Variants in MATR3 observed in about 807,000 individuals in gnomAD.
MATR3 encodes the protein matrin-3.
In MATR3, 4 loss-of-function variants were observed where a neutral mutation model predicts 85.5. The observed-to-expected ratio is 0.05, with a 90% confidence interval of 0.02 to 0.11. MATR3 has a LOEUF of 0.11. Ranked by LOEUF, MATR3 falls within the 10% of genes least tolerant of loss-of-function variation. The pLI is 1.00. For synonymous variants in MATR3, 336 were observed against 343.1 expected (o/e 0.98, Z 0.23); for missense variants, 685 against 1,016.1 (o/e 0.67, Z 4.43).
Position 139,322,502 on chromosome 5 carries a change from T to C in MATR3, c.1774T>C (p.Ser592Pro). 6.2e-7 allele frequency: 1 copy of C among 1,613,922 alleles called. No individual in the cohort carries two copies. The highest frequency in any genetic ancestry group is 8.5e-7 in the Non-Finnish European group (1 of 1,179,930). The change falls in exon 11 of 15, where the codon TCC becomes CCC. Residue 592 changes from serine to proline, a missense_variant. By Grantham distance (74) the Ser-to-Pro change is moderately conservative (BLOSUM62 -1). Coordinates refer to ENST00000394805, the MANE Select transcript of MATR3 (RefSeq NM_018834.6). ...CATTGATTTACTGAAAAAAGATAAA[T>C]CCCGGTAATTTCATTTTGTTTTTCA... ...RGIDLLKKDK[S>P]RKRSYSPDGK...
intron 7 of MATR3, among the ~76,000 whole-genome samples, chr5:139,318,056 AG>A (rs2151992264): frequency 6.6e-6 from 1 of 152,354 alleles, no homozygotes; most frequent in South Asian, 2.1e-4. Flanking sequence ...TAAATGATAA[AG>A]TAATGCAGTA....
chr5:139,285,258 A>G (rs1392373745), intron 3 of MATR3: 2 of 152,214 alleles, frequency 1.3e-5, no homozygotes, highest in African/African-American at 2.4e-5. Context: ...CTTGTTTCAG[A>G]TGGTCAACAT....
At chr5:139,313,552 A>C (rs984699979) in intron 2 of MATR3, 13 of 152,214 alleles carry the variant, frequency 8.5e-5, no homozygotes, top group African/African-American at 2.9e-4. Flanking sequence ...TACATTGCCT[A>C]AAAAGTTAAC....
chr5:139,317,444 G>T (rs1429357657), intron 6 of MATR3, 152 bp from the exon 7 acceptor site: 1 of 773,554 alleles, frequency 1.3e-6, no homozygotes, highest in Non-Finnish European at 2.2e-6. Context: ...AGTGACGTTT[G>T]ATATGTAGCT....
intron 2 of MATR3, chr5:139,311,280 C>G (rs867422921): frequency 6.6e-6 from 1 of 152,104 alleles, no homozygotes; most frequent in Non-Finnish European, 1.5e-5. Context: ...TCAGATACAT[C>G]AAGGTGAATG....
At position 139,293,757 on chromosome 5, in the gene MATR3, G is replaced by T; in HGVS notation, c.-226G>T. On this transcript the variant is annotated 5_prime_UTR_variant, in exon 1 of 15. Coordinates refer to ENST00000394805, the MANE Select transcript of MATR3 (RefSeq NM_018834.6). Reference sequence around the variant, plus strand: ...GGGATTGTGGGAGTCTCCGCGTCCCGCTCGCTGGGAGAGAGGTACCTCTCC... The same window carrying T: ...GGGATTGTGGGAGTCTCCGCGTCCCTCTCGCTGGGAGAGAGGTACCTCTCC... 1 of 381,898 alleles carries T rather than the reference G, an allele frequency of 2.6e-6. No homozygotes were observed. Among genetic ancestry groups the T allele is most frequent in the South Asian group, 1.4e-4 (1 of 7,042 alleles). The allele number at this position is 381,898 out of a possible 1,614,324, so 23.7% of individuals were successfully genotyped here.
chr5:139,304,508 A>G (rs946974798), intron 1 of MATR3, among the ~76,000 whole-genome samples: 3 of 152,042 alleles, frequency 2.0e-5, no homozygotes, highest in South Asian at 2.1e-4. Context: ...CTGAAAAAAA[A>G]AAAAAAAGAA....
At chr5:139,301,839 TA>T (rs1432033725) in intron 1 of MATR3, among the ~76,000 whole-genome samples, 1 of 152,160 alleles carries the variant, frequency 6.6e-6, no homozygotes, top group Non-Finnish European at 1.5e-5. Context: ...ATTTTAAACC[TA>T]GGAAGAAGAC....
chr5:139,328,240 C>A lies in MATR3; in HGVS notation c.2494-1105C>A, dbSNP rs765692443. Among the ~76,000 whole-genome samples the A allele has an allele frequency of 1.2e-3, 178 of 150,732 alleles. 1 individual carries two copies. The highest frequency in any genetic ancestry group is 2.2e-3 in the Non-Finnish European group (146 of 67,810). ...AACTGTTAAGCATTACAGTAACTTG[C>A]TAATGGTAAATTGATACTTTCCTAA... On this transcript the variant is annotated intron_variant, in intron 14 of 14. Coordinates refer to ENST00000394805, the MANE Select transcript of MATR3 (RefSeq NM_018834.6).
chr5:139,314,858 T>C (rs2151980778), intron 3 of MATR3, 122 bp downstream of exon 3: 1 of 817,192 alleles, frequency 1.2e-6, no homozygotes, highest in Non-Finnish European at 2.1e-6. Flanking sequence ...AGTGGTACTG[T>C]ATGGACAATA....
At chr5:139,291,158 A>G (rs1462838707), upstream of MATR3, among the ~76,000 whole-genome samples, 1 of 152,206 alleles carries the variant, frequency 6.6e-6, no homozygotes, top group Non-Finnish European at 1.5e-5. Flanking sequence ...GCAGTTTCCC[A>G]AAGTCTACCT....
At chr5:139,294,053 G>A (rs1753996970) in intron 1 of MATR3, 2 of 1,271,282 alleles carry the variant, frequency 1.6e-6, no homozygotes, top group Non-Finnish European at 2.0e-6. Flanking sequence ...AGGGAAACAC[G>A]CGGCCGGCCA....
intron 1 of MATR3, chr5:139,294,123 C>T (rs756134833): frequency 1.6e-5 from 18 of 1,155,478 alleles, no homozygotes; most frequent in Non-Finnish European, 2.0e-5. Context: ...GCCGAGCTTC[C>T]TGCGCGTCCT....
rs552645507 is a variant in MATR3 at position 139,284,358 on chromosome 5, A to T, written c.-178+5229A>T. On this transcript the variant is annotated intron_variant, in intron 3 of 16. Transcript: ENST00000509990. ...CCGGGCGCGGTTGCCTATAATCCCA[A>T]CACTGAGAGGCTGAGGTGGGTGGAT... is the stretch of plus-strand genomic sequence containing the variant. Among the ~76,000 whole-genome samples the T allele has an allele frequency of 2.0e-5, 3 of 152,234 alleles. No individual in the cohort carries two copies. In the East Asian group the frequency reaches 5.8e-4, roughly 29 times the overall value.
intron 1 of MATR3, among the ~76,000 whole-genome samples, chr5:139,301,119 T>A (rs1467346852): frequency 2.0e-5 from 3 of 152,104 alleles, no homozygotes; most frequent in Non-Finnish European, 4.4e-5. Context: ...CTGGCCTAAT[T>A]TATCGAGTCT....
chr5:139,326,403 GAA>G (rs1755853316), intron 14 of MATR3, 119 bp downstream of exon 14: 3 of 864,572 alleles, frequency 3.5e-6, no homozygotes, highest in Admixed American at 2.9e-5. Flanking sequence ...GCTTTCTCCT[GAA>G]GATAACTTTT....
At position 139,329,364 on chromosome 5, in the gene MATR3, CAGA is replaced by C; in HGVS notation, c.2518_2520del (p.Glu840del). The C allele has an allele frequency of 1.2e-6, 2 of 1,611,662 alleles. No individual in the cohort carries two copies. Among genetic ancestry groups the C allele is most frequent in the South Asian group, 1.1e-5 (1 of 90,996 alleles). On this transcript the variant is annotated inframe_deletion, in exon 15 of 15. Coordinates refer to ENST00000394805, the MANE Select transcript of MATR3 (RefSeq NM_018834.6). ...TTATAGAAATTTCTGAATAAATTGG[CAGA>C]AGAACGCAGACAGAAGAAGGAAACT...
At chr5:139,319,646 G>A (rs745463998) in intron 9 of MATR3, 145 bp downstream of exon 9, 102 of 663,820 alleles carry the variant, frequency 1.5e-4, no homozygotes, top group Middle Eastern at 8.4e-4. Context: ...TCAGGAGTTC[G>A]AGACCAGCCT....
chr5:139,323,423 T>C (rs1755680831), intron 12 of MATR3, among the ~76,000 whole-genome samples: 1 of 152,230 alleles, frequency 6.6e-6, no homozygotes. Context: ...TACCTTAGTA[T>C]CCTTTAAAAC....
Sources: gnomAD v4.1 joint callset for allele counts (sites outside exome capture counted in the v4.1 genomes callset) on GRCh38, gnomAD v4.1.1 for gene constraint, MANE v1.5 for transcripts, NCBI Gene and HGNC (gene_info 2026-07-23, HGNC 2026-07-21) for gene names.